The following WWC1 variants were observed in gnomAD, a reference collection of about 807,000 sequenced individuals.
The protein encoded by WWC1 is protein KIBRA.
A neutral mutation model predicts 138.4 loss-of-function variants in WWC1; 55 were observed. That is an observed-to-expected ratio of 0.40 (90% CI 0.32 to 0.50). The LOEUF (loss-of-function observed/expected upper bound fraction) is 0.50, where lower values mean the gene tolerates loss of function less well. Ranked by LOEUF, WWC1 falls within the 20% of genes least tolerant of loss-of-function variation. The pLI is 0.72. For missense variants in WWC1, 1,226 were observed against 1,420.4 expected (o/e 0.86, Z 2.20); for synonymous variants, 524 against 564.9 (o/e 0.93, Z 1.03).
At chr5:168,366,749 A>G (rs1336015525) in intron 1 of WWC1, among the ~76,000 whole-genome samples, 1 of 148,540 alleles carries the variant, frequency 6.7e-6, no homozygotes, top group East Asian at 2.0e-4. Flanking sequence ...CCCCATCTCC[A>G]TCCTCACACC....
intron 5 of WWC1, among the ~76,000 whole-genome samples, chr5:168,403,848 T>C (rs1321218382): frequency 6.9e-6 from 1 of 144,424 alleles, no homozygotes; most frequent in Non-Finnish European, 1.5e-5. Flanking sequence ...GCTGAGGAAT[T>C]TGGAAATCCT....
chr5:168,327,996 C>T (rs1413937799), intron 1 of WWC1, among the ~76,000 whole-genome samples: 2 of 152,180 alleles, frequency 1.3e-5, no homozygotes, highest in Non-Finnish European at 2.9e-5. Context: ...CCCATTGAAA[C>T]GCTGCTGCTC....
intron 11 of WWC1, among the ~76,000 whole-genome samples, chr5:168,427,107 C>T (rs1210169478): frequency 6.6e-6 from 1 of 152,210 alleles, no homozygotes; most frequent in African/African-American, 2.4e-5. Flanking sequence ...TAATCTCTCC[C>T]TTCTCTGTCC....
At chr5:168,309,385 C>T (rs746261343) in intron 1 of WWC1, among the ~76,000 whole-genome samples, 32 of 152,132 alleles carry the variant, frequency 2.1e-4, no homozygotes, top group Non-Finnish European at 4.1e-4. Context: ...TTGCCATTAC[C>T]GTGAGACGGT....
At chr5:168,400,177 C>CT (rs1290241881) in intron 5 of WWC1, among the ~76,000 whole-genome samples, 8 of 151,860 alleles carry the variant, frequency 5.3e-5, no homozygotes, top group South Asian at 4.2e-4. Flanking sequence ...TCTTCTTCTT[C>CT]TTTTTTTTAA....
At chr5:168,456,777 C>G (rs551633964) in intron 19 of WWC1, among the ~76,000 whole-genome samples, 1 of 147,952 alleles carries the variant, frequency 6.8e-6, no homozygotes, top group East Asian at 2.0e-4. Context: ...TGTCACTCAT[C>G]AGAAAAATCC....
At chr5:168,367,755 C>T (rs1336871875) in intron 1 of WWC1, among the ~76,000 whole-genome samples, 1 of 152,132 alleles carries the variant, frequency 6.6e-6, no homozygotes, top group African/African-American at 2.4e-5. Flanking sequence ...AGAGCACCTG[C>T]TACCTGGAAA....
chr5:168,336,909 C>T (rs560019137), intron 1 of WWC1, among the ~76,000 whole-genome samples: 9 of 152,104 alleles, frequency 5.9e-5, no homozygotes, highest in Non-Finnish European at 1.2e-4. Context: ...GTGGTGACGC[C>T]GACTTCAGAT....
intron 9 of WWC1, among the ~76,000 whole-genome samples, chr5:168,417,998 CTG>C (rs1780785143): frequency 6.6e-6 from 1 of 152,194 alleles, no homozygotes; most frequent in Admixed American, 6.5e-5. Flanking sequence ...TGTTTCCCTT[CTG>C]TCTTTGTTTC....
intron 1 of WWC1, among the ~76,000 whole-genome samples, chr5:168,316,342 A>G (rs1771592995): frequency 6.6e-6 from 1 of 152,120 alleles, no homozygotes; most frequent in Non-Finnish European, 1.5e-5. Context: ...AACAAAATGC[A>G]TTTCCTTATT....
chr5:168,383,508 G>A (rs1777807742), intron 2 of WWC1, among the ~76,000 whole-genome samples: 2 of 152,128 alleles, frequency 1.3e-5, no homozygotes, highest in Admixed American at 6.6e-5. Flanking sequence ...AGAGCTAAAG[G>A]GCCTAGATTG....
At chr5:168,346,936 G>T (rs949110225) in intron 1 of WWC1, among the ~76,000 whole-genome samples, 1 of 152,176 alleles carries the variant, frequency 6.6e-6, no homozygotes, top group East Asian at 1.9e-4. Context: ...AGGGTCTCTT[G>T]AGGGTCTTAG....
At chr5:168,318,476 A>G (rs2152755857) in intron 1 of WWC1, among the ~76,000 whole-genome samples, 1 of 152,070 alleles carries the variant, frequency 6.6e-6, no homozygotes, top group African/African-American at 2.4e-5. Context: ...GAAAACTTCT[A>G]CTTTCTGTCT....
At chr5:168,364,878 C>T (rs997341988) in intron 1 of WWC1, among the ~76,000 whole-genome samples, 1 of 152,176 alleles carries the variant, frequency 6.6e-6, no homozygotes, top group Non-Finnish European at 1.5e-5. Context: ...GCATCTCGCC[C>T]TCTAGACTGT....
At chr5:168,310,404 G>GTA (rs372057282) in intron 1 of WWC1, among the ~76,000 whole-genome samples, 107 of 148,656 alleles carry the variant, frequency 7.2e-4, no homozygotes, top group South Asian at 1.5e-3. Flanking sequence ...TTGTGTGTGT[G>GTA]TATATATATA....
chr5:168,461,148 G>A (rs1200068977), intron 20 of WWC1, among the ~76,000 whole-genome samples: 1 of 152,072 alleles, frequency 6.6e-6, no homozygotes, highest in Admixed American at 6.6e-5. Flanking sequence ...GGCCAACACA[G>A]TGAAACCCCA....
At chr5:168,388,202 C>T (rs1218210839) in intron 3 of WWC1, among the ~76,000 whole-genome samples, 1 of 152,102 alleles carries the variant, frequency 6.6e-6, no homozygotes, top group South Asian at 2.1e-4. Flanking sequence ...TGAAGGATCC[C>T]TCACAAGAAT....
intron 17 of WWC1, among the ~76,000 whole-genome samples, chr5:168,449,573 T>G (rs1236075587): frequency 9.2e-6 from 1 of 108,904 alleles, no homozygotes; most frequent in African/African-American, 3.8e-5. Flanking sequence ...AACAGCTCTT[T>G]TTTTTTTTTT....
At chr5:168,374,542 C>CA (rs1422983175) in intron 2 of WWC1, among the ~76,000 whole-genome samples, 7 of 152,050 alleles carry the variant, frequency 4.6e-5, no homozygotes, top group African/African-American at 1.7e-4. Context: ...GGCAAGTGTG[C>CA]ATATAACATA....
Sources: gnomAD v4.1 joint callset for allele counts (sites outside exome capture counted in the v4.1 genomes callset) on GRCh38, gnomAD v4.1.1 for gene constraint, MANE v1.5 for transcripts, NCBI Gene and HGNC (gene_info 2026-07-23, HGNC 2026-07-21) for gene names.